Variants in COMMD1 observed in about 807,000 individuals in gnomAD.
COMMD1 encodes copper metabolism domain containing 1.
A neutral mutation model predicts 17.2 loss-of-function variants in COMMD1; 10 were observed. The ratio of observed to expected loss-of-function variants is 0.58; its 90% CI spans 0.36 to 0.99. The LOEUF (loss-of-function observed/expected upper bound fraction) is 0.99. COMMD1 is among the 50% of genes least tolerant of loss of function. COMMD1 has a pLI of 0.01. For missense variants in COMMD1, 270 were observed against 231.8 expected (o/e 1.17, Z -1.07); for synonymous variants, 97 against 91.6 (o/e 1.06, Z -0.34).
chr2:61,987,324 A>G (rs1672130825), intron 1 of COMMD1, among the ~76,000 whole-genome samples: 1 of 152,070 alleles, frequency 6.6e-6, no homozygotes, highest in African/African-American at 2.4e-5. Flanking sequence ...GTTTTTACTC[A>G]TCCTCTTTGG....
chr2:61,956,335 A>G (rs1671197665), intron 1 of COMMD1, among the ~76,000 whole-genome samples: 1 of 152,224 alleles, frequency 6.6e-6, no homozygotes, highest in African/African-American at 2.4e-5. Flanking sequence ...CAACTTGGTT[A>G]TAATATCACA....
intron 2 of COMMD1, among the ~76,000 whole-genome samples, chr2:62,050,851 A>C (rs1358823130): frequency 1.3e-5 from 2 of 152,170 alleles, no homozygotes; most frequent in African/African-American, 2.4e-5. Context: ...TCTTAAAGAA[A>C]TACCTTTTCA....
At chr2:62,130,164 A>C (rs1469986718) in intron 2 of COMMD1, among the ~76,000 whole-genome samples, 1 of 151,630 alleles carries the variant, frequency 6.6e-6, no homozygotes, top group African/African-American at 2.4e-5. Flanking sequence ...CAAAAAAAAA[A>C]AAAAACAAAC....
chr2:61,889,612 A>C (rs975598518), intron 1 of COMMD1, among the ~76,000 whole-genome samples: 2 of 152,064 alleles, frequency 1.3e-5, no homozygotes, highest in Non-Finnish European at 2.9e-5. Context: ...TTGCCCGGCC[A>C]CATAGACCTG....
At chr2:62,036,305 C>G (rs1670038544) in intron 2 of COMMD1, among the ~76,000 whole-genome samples, 1 of 152,124 alleles carries the variant, frequency 6.6e-6, no homozygotes, top group Admixed American at 6.5e-5. Flanking sequence ...CATATCCTTA[C>G]AATGATACTG....
chr2:62,070,005 A>T (rs1198021995), intron 2 of COMMD1: 2 of 152,198 alleles, frequency 1.3e-5, no homozygotes, highest in Non-Finnish European at 2.9e-5. Context: ...TAGACCCCAC[A>T]AGTTAGAGGC....
At position 62,131,097 on chromosome 2, in the gene COMMD1, G is replaced by A. The variant is rs529266207; in HGVS notation, c.463-4734G>A. On this transcript the variant is annotated intron_variant, in intron 2 of 2. Coordinates refer to ENST00000311832, the MANE Select transcript of COMMD1 (RefSeq NM_152516.4). ...TGGTTTGGAGAGGGAATCCTCTCACGGATTTTGTCATAGGATTTTGTGGCT... is the reference window on the plus strand; with the variant it reads ...TGGTTTGGAGAGGGAATCCTCTCACAGATTTTGTCATAGGATTTTGTGGCT... Among the ~76,000 whole-genome samples the A allele has an allele frequency of 7.2e-5, 11 of 152,298 alleles. No homozygotes were observed. The East Asian group carries it at 2.1e-3, about 29-fold the overall frequency.
intron 1 of COMMD1, among the ~76,000 whole-genome samples, chr2:61,935,742 A>G (rs6705440): frequency 6.6e-6 from 1 of 152,094 alleles, no homozygotes; most frequent in Non-Finnish European, 1.5e-5. Flanking sequence ...TCCAAATCTA[A>G]TCTTATTAAA....
chr2:62,017,703 A>G (rs1669491419), intron 2 of COMMD1, among the ~76,000 whole-genome samples: 1 of 151,408 alleles, frequency 6.6e-6, no homozygotes, highest in South Asian at 2.1e-4. Flanking sequence ...AAATGAAGGT[A>G]TCTTTTGGCT....
intron 1 of COMMD1, among the ~76,000 whole-genome samples, chr2:61,991,623 C>G (rs984971606): frequency 8.5e-5 from 13 of 152,134 alleles, no homozygotes; most frequent in Admixed American, 4.6e-4. Flanking sequence ...GGAAGCCATA[C>G]TTGAACTGAG....
At chr2:61,903,510 T>A (rs1343386325), upstream of COMMD1, among the ~76,000 whole-genome samples, 1 of 151,560 alleles carries the variant, frequency 6.6e-6, no homozygotes, top group Non-Finnish European at 1.5e-5. Flanking sequence ...ATGAGTAGAT[T>A]CTCAACAATG....
chr2:61,956,306 T>A (rs1400318248), intron 1 of COMMD1, among the ~76,000 whole-genome samples: 1 of 152,228 alleles, frequency 6.6e-6, no homozygotes, highest in African/African-American at 2.4e-5. Context: ...TGAATTCTGT[T>A]CCACAGATCT....
chr2:61,995,036 C>G (rs554911492), intron 1 of COMMD1, among the ~76,000 whole-genome samples: 1 of 152,288 alleles, frequency 6.6e-6, no homozygotes, highest in African/African-American at 2.4e-5. Flanking sequence ...CTCCATTGCC[C>G]TAGCCCTCTG....
intron 1 of COMMD1, among the ~76,000 whole-genome samples, chr2:61,990,757 C>G (rs982839743): frequency 6.6e-6 from 1 of 151,794 alleles, no homozygotes; most frequent in African/African-American, 2.4e-5. Context: ...ATGGGAAAGA[C>G]CCGCCCCCAT....
At chr2:61,944,450 C>CA (rs539145447) in intron 1 of COMMD1, among the ~76,000 whole-genome samples, 285 of 148,852 alleles carry the variant, frequency 1.9e-3, no homozygotes, top group African/African-American at 5.6e-3. Flanking sequence ...GACTCTGTCT[C>CA]AAAAAAAAAG....
chr2:62,067,135 G>GAA (rs1671074772), intron 2 of COMMD1, among the ~76,000 whole-genome samples: 1 of 151,882 alleles, frequency 6.6e-6, no homozygotes, highest in South Asian at 2.1e-4. Flanking sequence ...TGAGGCAGGA[G>GAA]AATCGCTTGA....
At chr2:62,065,966 G>A (rs1226154042) in intron 2 of COMMD1, among the ~76,000 whole-genome samples, 2 of 152,188 alleles carry the variant, frequency 1.3e-5, no homozygotes, top group South Asian at 4.1e-4. Context: ...AGTCACAATG[G>A]AAGGAGTGTG....
chr2:62,018,147 T>C (rs2103848655), intron 2 of COMMD1, among the ~76,000 whole-genome samples: 1 of 152,188 alleles, frequency 6.6e-6, no homozygotes, highest in South Asian at 2.1e-4. Flanking sequence ...CACATGTATA[T>C]TGATGAAAGG....
intron 1 of COMMD1, among the ~76,000 whole-genome samples, chr2:61,971,821 A>G (rs1354343053): frequency 6.6e-6 from 1 of 152,062 alleles, no homozygotes; most frequent in African/African-American, 2.4e-5. Flanking sequence ...TTTGACATGG[A>G]GTAAAATTGG....
Sources: gnomAD v4.1 joint callset for allele counts (sites outside exome capture counted in the v4.1 genomes callset) on GRCh38, gnomAD v4.1.1 for gene constraint, MANE v1.5 for transcripts, NCBI Gene and HGNC (gene_info 2026-07-23, HGNC 2026-07-21) for gene names.